ANKRD6: variants seen among roughly 807,000 people sequenced by gnomAD.
The protein encoded by ANKRD6 is ankyrin repeat domain 6.
A neutral mutation model predicts 82.3 loss-of-function variants in ANKRD6; 56 were observed. The observed-to-expected ratio is 0.68, with a 90% CI of 0.55 to 0.85. The LOEUF is 0.85. Ranked by LOEUF, ANKRD6 falls within the 40% of genes least tolerant of loss-of-function variation. The pLI, the probability that ANKRD6 is intolerant of heterozygous loss-of-function variation, is 0.00. For synonymous variants in ANKRD6, 347 were observed against 352.1 expected, an observed-to-expected ratio of 0.99 and a Z score of 0.16; for missense variants, 852 against 907.6, an observed-to-expected ratio of 0.94 and a Z score of 0.79.
intron 1 of ANKRD6, among the ~76,000 whole-genome samples, chr6:89,469,506 G>A (rs913950697): frequency 6.6e-6 from 1 of 152,154 alleles, no homozygotes; most frequent in African/African-American, 2.4e-5. Context: ...ATAAGCCCCA[G>A]CTTAATTTTC....
At chr6:89,465,785 C>A (rs1290372202) in intron 1 of ANKRD6, among the ~76,000 whole-genome samples, 1 of 151,874 alleles carries the variant, frequency 6.6e-6, no homozygotes, top group African/African-American at 2.4e-5. Context: ...ATCACTTGAG[C>A]CCGGGAGATC....
chr6:89,552,717 G>A (rs146425519), intron 1 of ANKRD6, among the ~76,000 whole-genome samples: 48 of 152,142 alleles, frequency 3.2e-4, no homozygotes, highest in Middle Eastern at 3.4e-3. Flanking sequence ...GCTCCCTAGC[G>A]TATTCTCCTA....
At chr6:89,507,901 G>A (rs1780064170) in intron 1 of ANKRD6, among the ~76,000 whole-genome samples, 1 of 152,060 alleles carries the variant, frequency 6.6e-6, no homozygotes, top group Non-Finnish European at 1.5e-5. Flanking sequence ...AAACTTTCCT[G>A]TAGCTGTGTC....
At chr6:89,620,450 A>T (rs550680257) in intron 9 of ANKRD6, among the ~76,000 whole-genome samples, 1 of 152,332 alleles carries the variant, frequency 6.6e-6, no homozygotes, top group East Asian at 1.9e-4. Context: ...ACATCAGGTG[A>T]GCAATGGGTA....
intron 1 of ANKRD6, among the ~76,000 whole-genome samples, chr6:89,437,824 C>G (rs1242659592): frequency 6.6e-6 from 1 of 152,112 alleles, no homozygotes; most frequent in Non-Finnish European, 1.5e-5. Context: ...GAGGCAAGGT[C>G]TCGCTGTCAC....
At chr6:89,552,307 A>G (rs904667892) in intron 1 of ANKRD6, among the ~76,000 whole-genome samples, 1 of 152,222 alleles carries the variant, frequency 6.6e-6, no homozygotes, top group African/African-American at 2.4e-5. Context: ...CATGGACTGC[A>G]CATGCACATG....
In ANKRD6 at chr6:89,481,210, C is replaced by T. The variant is rs115181193; in HGVS notation, c.-144+47835C>T. ...TTAGCTCTTAAAGATAAAACAAAAACGTAAAAACAGTAGTTATATCCATGT... is the reference window on the plus strand; with the variant it reads ...TTAGCTCTTAAAGATAAAACAAAAATGTAAAAACAGTAGTTATATCCATGT... On this transcript the variant is annotated intron_variant, in intron 1 of 15. Coordinates refer to ENST00000339746, the MANE Select transcript of ANKRD6 (RefSeq NM_001242809.2). Among the ~76,000 whole-genome samples, 848 of 152,138 alleles carry T rather than the reference C, an allele frequency of 5.6e-3. 7 individuals are homozygous for T. The highest frequency in any genetic ancestry group is 0.019 in the African/African-American group (788 of 41,504).
intron 15 of ANKRD6, 123 bp downstream of exon 15, chr6:89,629,361 C>G (rs1472513773): frequency 7.2e-7 from 1 of 1,380,282 alleles, no homozygotes; most frequent in Non-Finnish European, 1.0e-6. Context: ...GTAAAGTGCA[C>G]TCTGTAGGGG....
chr6:89,606,225 T>C, intron 5 of ANKRD6, 120 bp downstream of exon 5: 1 of 724,160 alleles, frequency 1.4e-6, no homozygotes, highest in Non-Finnish European at 2.1e-6. Context: ...ACGAGGAACC[T>C]GAAGGTCCAT....
At chr6:89,488,708 G>A (rs546883942) in intron 1 of ANKRD6, among the ~76,000 whole-genome samples, 1 of 152,196 alleles carries the variant, frequency 6.6e-6, no homozygotes, top group East Asian at 1.9e-4. Flanking sequence ...CATTTATATT[G>A]TTTCTTTTGA....
Position 89,566,945 on chromosome 6 carries a change from C to T in ANKRD6, c.-32C>T, listed in dbSNP as rs1337683092. ...GTGTTGAGCTGAAGGAACTTGTCTA[C>T]CGCTTCCCTGAAAACCTTTCTTTCC... On this transcript the variant is annotated 5_prime_UTR_variant, in exon 2 of 16. Transcript: ENST00000339746. 2 of 1,555,990 alleles carry T rather than the reference C, an allele frequency of 1.3e-6. No individual in the cohort carries two copies. The highest frequency in any genetic ancestry group is 1.4e-5 in the African/African-American group (1 of 73,544).
At chr6:89,618,365 G>A in intron 9 of ANKRD6, 1 of 599,570 alleles carries the variant, frequency 1.7e-6, no homozygotes, top group Non-Finnish European at 3.0e-6. Flanking sequence ...GCAGAGTTTA[G>A]GCCAAATGCC....
intron 5 of ANKRD6, among the ~76,000 whole-genome samples, chr6:89,611,461 G>T (rs1779409329): frequency 6.6e-6 from 1 of 152,190 alleles, no homozygotes; most frequent in East Asian, 1.9e-4. Context: ...TTTTCTAGGG[G>T]TTATCAGCGG....
chr6:89,542,536 G>C (rs568340322), intron 1 of ANKRD6, among the ~76,000 whole-genome samples: 1 of 152,236 alleles, frequency 6.6e-6, no homozygotes, highest in African/African-American at 2.4e-5. Flanking sequence ...AGGAGGCATA[G>C]ATAGTATACA....
At chr6:89,609,224 C>G (rs999337476) in intron 5 of ANKRD6, among the ~76,000 whole-genome samples, 3 of 152,202 alleles carry the variant, frequency 2.0e-5, no homozygotes, top group African/African-American at 7.2e-5. Context: ...GTGCCTGGCT[C>G]ACAGCTCAGG....
intron 1 of ANKRD6, among the ~76,000 whole-genome samples, chr6:89,501,018 T>TA (rs1779203980): frequency 2.0e-5 from 3 of 151,440 alleles, no homozygotes; most frequent in Admixed American, 6.6e-5. Context: ...GCACAGCTCT[T>TA]ACTGTATCTG....
chr6:89,482,324 A>G (rs1185545674), intron 1 of ANKRD6, among the ~76,000 whole-genome samples: 1 of 152,236 alleles, frequency 6.6e-6, no homozygotes, highest in Non-Finnish European at 1.5e-5. Context: ...GTAGATCTGC[A>G]TTTTATAATT....
At chr6:89,490,286 T>C (rs1777865579) in intron 1 of ANKRD6, among the ~76,000 whole-genome samples, 1 of 152,236 alleles carries the variant, frequency 6.6e-6, no homozygotes, top group Non-Finnish European at 1.5e-5. Flanking sequence ...AAATCAGTTT[T>C]ATGGGTGCAA....
chr6:89,610,803 T>TAAA (rs56775209), intron 5 of ANKRD6, among the ~76,000 whole-genome samples: 14,672 of 143,632 alleles, frequency 0.1, 910 homozygotes, highest in South Asian at 0.17. Flanking sequence ...AAACAAAACT[T>TAAA]AAAAAAAAAA....
Sources: gnomAD v4.1 joint callset for allele counts (sites outside exome capture counted in the v4.1 genomes callset) on GRCh38, gnomAD v4.1.1 for gene constraint, MANE v1.5 for transcripts, NCBI Gene and HGNC (gene_info 2026-07-23, HGNC 2026-07-21) for gene names.